The following GALNT13 variants were observed in gnomAD, a reference collection of about 807,000 sequenced individuals.
GALNT13 encodes polypeptide N-acetylgalactosaminyltransferase 13, also known as UDP-GalNAc:polypeptide N-acetylgalactosaminyltransferase 13.
GALNT13 carries 28 observed loss-of-function variants against 64.2 expected under a neutral mutation model. That is an observed-to-expected ratio of 0.44 (90% CI 0.32 to 0.60). The LOEUF (loss-of-function observed/expected upper bound fraction) is 0.60, where lower values mean the gene tolerates loss of function less well. GALNT13 is among the 20% of genes least tolerant of loss of function. GALNT13 has a pLI of 0.05. For synonymous variants in GALNT13, 214 were observed against 224.6 expected, an observed-to-expected ratio of 0.95 and a Z score of 0.42; for missense variants, 577 against 669.8, an observed-to-expected ratio of 0.86 and a Z score of 1.53.
At chr2:153,804,327 G>A in the GALNT13 span, among the ~76,000 whole-genome samples, 1 of 152,076 alleles carries the variant, frequency 6.6e-6, no homozygotes, top group Non-Finnish European at 1.5e-5. Flanking sequence ...GCCATCATCA[G>A]CTAATTTTCT....
upstream of GALNT13, among the ~76,000 whole-genome samples, chr2:153,867,341 T>C (rs2105202768): frequency 6.6e-6 from 1 of 152,296 alleles, no homozygotes; most frequent in African/African-American, 2.4e-5. Flanking sequence ...CTACTTCTGA[T>C]GGGTGTAGTG....
chr2:153,308,070 G>GA, the GALNT13 span, among the ~76,000 whole-genome samples: 3 of 151,938 alleles, frequency 2.0e-5, no homozygotes, highest in African/African-American at 4.8e-5. Flanking sequence ...AAAATATTCA[G>GA]AAAAAAATGC....
intron 11 of GALNT13, among the ~76,000 whole-genome samples, chr2:154,426,838 C>T (rs1296286428): frequency 6.6e-6 from 1 of 152,130 alleles, no homozygotes; most frequent in African/African-American, 2.4e-5. Context: ...TGCACTGTTG[C>T]TCTGTTTCCC....
chr2:154,026,110 A>G (rs1235724227), intron 3 of GALNT13, among the ~76,000 whole-genome samples: 5 of 152,172 alleles, frequency 3.3e-5, no homozygotes, highest in Admixed American at 6.6e-5. Context: ...TAGAAGATTT[A>G]TTTCTCAGGC....
intron 3 of GALNT13, among the ~76,000 whole-genome samples, chr2:154,029,724 A>G (rs1698220659): frequency 6.6e-6 from 1 of 152,222 alleles, no homozygotes; most frequent in Admixed American, 6.6e-5. Context: ...TTATAAAAGC[A>G]AAGATATGAC....
chr2:153,271,586 A>G, the GALNT13 span, among the ~76,000 whole-genome samples: 1 of 152,220 alleles, frequency 6.6e-6, no homozygotes, highest in Non-Finnish European at 1.5e-5. Context: ...TTCAAGGAGA[A>G]CTACAAACCA....
chr2:154,289,020 C>A (rs947555617), intron 8 of GALNT13, among the ~76,000 whole-genome samples: 1 of 152,232 alleles, frequency 6.6e-6, no homozygotes, highest in Admixed American at 6.5e-5. Flanking sequence ...CTGAGGGCTG[C>A]ACCCCTGTAG....
intron 11 of GALNT13, 30 bp downstream of exon 11, chr2:154,409,112 T>A (rs762981714): frequency 7.8e-7 from 1 of 1,279,316 alleles, no homozygotes; most frequent in Non-Finnish European, 1.1e-6. Context: ...CAGCTTCATG[T>A]TTTAGAGGGA....
the GALNT13 span, among the ~76,000 whole-genome samples, chr2:153,864,018 A>C: frequency 2.6e-5 from 4 of 152,216 alleles, no homozygotes; most frequent in South Asian, 8.3e-4. Context: ...ACTGAATGCC[A>C]ATACTTTTCC....
intron 8 of GALNT13, among the ~76,000 whole-genome samples, chr2:154,285,411 T>C (rs959467625): frequency 1.3e-5 from 2 of 152,120 alleles, no homozygotes; most frequent in African/African-American, 2.4e-5. Flanking sequence ...TGGTGTGAAA[T>C]AGTACAGTTT....
chr2:154,053,479 G>A (rs1286424916), intron 3 of GALNT13, among the ~76,000 whole-genome samples: 2 of 148,600 alleles, frequency 1.3e-5, no homozygotes, highest in African/African-American at 5.0e-5. Flanking sequence ...AAACTTTTCT[G>A]GCCTGGATTT....
At chr2:153,087,573 G>A in the GALNT13 span, among the ~76,000 whole-genome samples, 1 of 152,144 alleles carries the variant, frequency 6.6e-6, no homozygotes. Context: ...TTTTCTGAAT[G>A]TCTGATAGAA....
chr2:153,350,424 C>T, the GALNT13 span, among the ~76,000 whole-genome samples: 3 of 143,166 alleles, frequency 2.1e-5, no homozygotes, highest in African/African-American at 8.2e-5. Context: ...GTTCTGTTGC[C>T]GAGGCTGGAG....
At chr2:153,578,118 C>A in the GALNT13 span, among the ~76,000 whole-genome samples, 1 of 152,106 alleles carries the variant, frequency 6.6e-6, no homozygotes, top group African/African-American at 2.4e-5. Context: ...AAAATAGTTT[C>A]CTTTACATGA....
chr2:153,299,319 G>A, the GALNT13 span, among the ~76,000 whole-genome samples: 1 of 152,178 alleles, frequency 6.6e-6, no homozygotes, highest in African/African-American at 2.4e-5. Flanking sequence ...CTAGGATGCT[G>A]CCAGGAAACA....
chr2:153,647,183 G>A, the GALNT13 span, among the ~76,000 whole-genome samples: 1 of 152,290 alleles, frequency 6.6e-6, no homozygotes, highest in Non-Finnish European at 1.5e-5. Context: ...ATATCTCATT[G>A]TTGTTTTGAT....
At chr2:153,861,830 C>T in the GALNT13 span, among the ~76,000 whole-genome samples, 2 of 152,114 alleles carry the variant, frequency 1.3e-5, no homozygotes, top group Admixed American at 6.5e-5. Flanking sequence ...CTGTCCGCCT[C>T]AGCATCCCAA....
At chr2:153,214,325 T>A in the GALNT13 span, among the ~76,000 whole-genome samples, 2 of 152,124 alleles carry the variant, frequency 1.3e-5, no homozygotes, top group African/African-American at 4.8e-5. Context: ...AGCTGATGAA[T>A]AGCAATACAA....
the GALNT13 span, among the ~76,000 whole-genome samples, chr2:153,709,729 TAAA>T: frequency 1.3e-5 from 2 of 152,022 alleles, no homozygotes; most frequent in Admixed American, 1.3e-4. Flanking sequence ...AGCCATGTTA[TAAA>T]ATCAACTTCA....
Sources: gnomAD v4.1 joint callset for allele counts (sites outside exome capture counted in the v4.1 genomes callset) on GRCh38, gnomAD v4.1.1 for gene constraint, MANE v1.5 for transcripts, NCBI Gene and HGNC (gene_info 2026-07-23, HGNC 2026-07-21) for gene names.